ASIC4: variants seen among roughly 807,000 people sequenced by gnomAD.
ASIC4 encodes acid-sensing ion channel 4.
Under a neutral mutation model 53.4 loss-of-function variants are expected in ASIC4, and 28 were observed. That is an observed-to-expected ratio of 0.52 (90% CI 0.39 to 0.72). The LOEUF (loss-of-function observed/expected upper bound fraction) is 0.72. Ranked by LOEUF, ASIC4 falls within the 30% of genes least tolerant of loss-of-function variation. The pLI is 0.00. For synonymous variants in ASIC4, 289 were observed against 301.4 expected (o/e 0.96, Z 0.43); for missense variants, 649 against 729.7 (o/e 0.89, Z 1.27).
At chr2:219,510,125 CT>C (rs1694682344), upstream of ASIC4, among the ~76,000 whole-genome samples, 1 of 152,058 alleles carries the variant, frequency 6.6e-6, no homozygotes, top group Non-Finnish European at 1.5e-5. This position sits in a 1 kb window ranked among gnomAD's most constrained non-coding sequence, Gnocchi z 5.2. Context: ...ACCCTGCCGT[CT>C]TCACAGCCCT....
chr2:219,538,090 C>T lies in ASIC4; in HGVS notation c.*44C>T, dbSNP rs1411068736. On this transcript the variant is annotated 3_prime_UTR_variant, in exon 10 of 10. Coordinates refer to ENST00000358078, the MANE Select transcript of ASIC4 (RefSeq NM_018674.6). ...AGGACCCAGGAGTCTGGGACCCCTCCTGGGATCCCCAGCACATTCTCCTGC... is the reference window on the plus strand; with the variant it reads ...AGGACCCAGGAGTCTGGGACCCCTCTTGGGATCCCCAGCACATTCTCCTGC... 1.3e-6 allele frequency: 2 copies of T among 1,482,372 alleles called. No individual in the cohort carries two copies. The highest frequency in any genetic ancestry group is 1.4e-5 in the African/African-American group (1 of 72,528). 91.8% of individuals were successfully genotyped at this position (1,482,372 alleles called of 1,614,324 possible). A position where few individuals can be genotyped will look rare whatever the true frequency, so the allele number is the denominator to read the frequency against.
At chr2:219,513,863 A>G (rs1694733470), upstream of ASIC4, among the ~76,000 whole-genome samples, 1 of 152,228 alleles carries the variant, frequency 6.6e-6, no homozygotes, top group Admixed American at 6.5e-5. Context: ...GCAAAGCTCC[A>G]GGGAAGCTGA....
rs774929852 is a variant in ASIC4 at position 219,537,635 on chromosome 2, T to C, written c.1405T>C (p.Ser469Pro). 3.1e-6 allele frequency: 5 copies of C among 1,612,200 alleles called. No individual in the cohort carries two copies. The highest frequency in any genetic ancestry group is 2.2e-5 in the East Asian group (1 of 44,882). ...GTCCCCGACCCTGAACCCCAAGGTG[T>C]CCTGGGATCGACTGAAGCGGGTATG... The part of the protein sequence containing the change: ...LEILDYIYEV[S>P]WDRLKRVWRR... The change falls in exon 9 of 10, where the codon TCC becomes CCC. Residue 469 changes from serine to proline, a missense_variant. Ser to Pro is a moderately conservative substitution (Grantham distance 74, BLOSUM62 -1). Transcript: ENST00000358078. The surrounding 1 kb of genome is among the most constrained non-coding windows in gnomAD (Gnocchi z 4.9).
rs765717294 is a variant in ASIC4, at chr2:219,532,486, C to A, written c.1018+9C>A. ...GATGGTGCACATGCCAGGTGGGCACCCCACCCCCAGCCAGCCCTCCATGCC... is the reference window on the plus strand; with the variant it reads ...GATGGTGCACATGCCAGGTGGGCACACCACCCCCAGCCAGCCCTCCATGCC... On this transcript the variant is annotated intron_variant, in intron 4 of 9. Coordinates refer to ENST00000358078, the MANE Select transcript of ASIC4 (RefSeq NM_018674.6). 7 of 1,603,158 alleles carry A rather than the reference C, an allele frequency of 4.4e-6. No homozygotes were observed. The Admixed American group carries it at 5.0e-5, about 11-fold the overall frequency.
chr2:219,537,191 G>T lies in ASIC4; in HGVS notation c.1321+34G>T. On this transcript the variant is annotated intron_variant, in intron 7 of 9. Transcript: ENST00000358078. The surrounding 1 kb of genome is among the most constrained non-coding windows in gnomAD (Gnocchi z 4.9). ...GGTGTCCCTGCCCCCAGCTTGTGTG[G>T]GGGTGGATCGGCCCGGCCGCTCCCT... The T allele has an allele frequency of 1.9e-6, 3 of 1,612,462 alleles. No homozygotes were observed. The highest frequency in any genetic ancestry group is 1.1e-5 in the South Asian group (1 of 91,026).
chr2:219,508,046 G>C, the ASIC4 span, among the ~76,000 whole-genome samples: 4 of 152,194 alleles, frequency 2.6e-5, no homozygotes, highest in Non-Finnish European at 4.4e-5. Context: ...CACAGTGTGG[G>C]GTTTAGCAGT....
chr2:219,533,007 ACTGT>A, intron 5 of ASIC4, 68 bp downstream of exon 5: 1 of 1,494,540 alleles, frequency 6.7e-7, no homozygotes, highest in Non-Finnish European at 9.3e-7. Flanking sequence ...TCTTCTCCTC[ACTGT>A]CTTGGATCCT....
rs768160285 is a variant in ASIC4 at position 219,514,772 on chromosome 2, G to A, written c.48G>A (p.Ala16=). 18 of 1,613,438 alleles carry A rather than the reference G, an allele frequency of 1.1e-5. No homozygotes were observed. Among genetic ancestry groups the A allele is most frequent in the African/African-American group, 4.0e-5 (3 of 74,926 alleles). ...AAATCAAATTTGCTGAGGAGGATGCGAAACCCAAGGAGAAGGAGGCAGGGG... is the reference window on the plus strand; with the variant it reads ...AAATCAAATTTGCTGAGGAGGATGCAAAACCCAAGGAGAAGGAGGCAGGGG... ...VCKIKFAEED[A]KPKEKEAGDE... The change falls in exon 1 of 10, where the codon GCG becomes GCA. Residue 16 remains alanine (A), a synonymous_variant. Transcript: ENST00000358078.
intron 3 of ASIC4, 61 bp from the exon 4 acceptor site, chr2:219,532,254 T>C: frequency 6.3e-7 from 1 of 1,597,910 alleles, no homozygotes; most frequent in South Asian, 1.1e-5. Flanking sequence ...GCTGGGGCTG[T>C]GGGCACTGGA....
intron 1 of ASIC4, among the ~76,000 whole-genome samples, chr2:219,524,406 C>T (rs1179091324): frequency 2.0e-5 from 3 of 152,222 alleles, no homozygotes; most frequent in Non-Finnish European, 4.4e-5. Flanking sequence ...TGTCAGCTTC[C>T]TTATCCTCTC....
At chr2:219,519,069 T>A (rs1694846572) in intron 1 of ASIC4, among the ~76,000 whole-genome samples, 1 of 152,200 alleles carries the variant, frequency 6.6e-6, no homozygotes. Flanking sequence ...CTCGCCCGGC[T>A]AATTTTTTGT....
At position 219,514,852 on chromosome 2, in the gene ASIC4, C is replaced by A; in HGVS notation, c.128C>A (p.Ala43Asp). The change falls in exon 1 of 10, where the codon GCC becomes GAC. Residue 43 changes from alanine (A) to aspartate (D), a missense_variant. Transcript: ENST00000358078. ...CCTGGAGCAGCCCCCCGAGACCTGG[C>A]CACCTTTGCCAGCACCAGCACCCTG... ...VAPGAAPRDL[A>D]TFASTSTLHG... 1.9e-6 allele frequency: 3 copies of A among 1,613,010 alleles called. No individual in the cohort carries two copies. Among genetic ancestry groups the A allele is most frequent in the Non-Finnish European group, 2.5e-6 (3 of 1,179,900 alleles).
At chr2:219,531,541 G>A (rs1356854118) in intron 1 of ASIC4, among the ~76,000 whole-genome samples, 1 of 152,202 alleles carries the variant, frequency 6.6e-6, no homozygotes, top group Non-Finnish European at 1.5e-5. Context: ...AGGTGTTGAT[G>A]TGCTGTTGGG....
chr2:219,525,917 G>A (rs1273233477), intron 1 of ASIC4, among the ~76,000 whole-genome samples: 2 of 152,240 alleles, frequency 1.3e-5, no homozygotes, highest in Admixed American at 1.3e-4. Flanking sequence ...AAGAATGTCA[G>A]GGGAAGTGCC....
At chr2:219,528,044 C>T (rs1439877848) in intron 1 of ASIC4, among the ~76,000 whole-genome samples, 1 of 152,278 alleles carries the variant, frequency 6.6e-6, no homozygotes, top group South Asian at 2.1e-4. Context: ...TACCCCACGT[C>T]GCCCATGCCT....
chr2:219,537,172 C>T lies in ASIC4; in HGVS notation c.1321+15C>T. On this transcript the variant is annotated intron_variant, in intron 7 of 9. Coordinates refer to ENST00000358078, the MANE Select transcript of ASIC4 (RefSeq NM_018674.6). This position sits in a 1 kb window ranked among gnomAD's most constrained non-coding sequence, Gnocchi z 4.9. ...AGCCCTGCTGGGTGAGACTGGTGTC[C>T]CTGCCCCCAGCTTGTGTGGGGGTGG... is the stretch of plus-strand genomic sequence containing the variant. The T allele has an allele frequency of 6.2e-7, 1 of 1,613,186 alleles. No individual in the cohort carries two copies.
intron 1 of ASIC4, among the ~76,000 whole-genome samples, chr2:219,524,777 G>T (rs1209010225): frequency 6.6e-6 from 1 of 152,216 alleles, no homozygotes; most frequent in Non-Finnish European, 1.5e-5. Context: ...GTTTCGCTGT[G>T]ACAGAGCTCC....
In ASIC4 at chr2:219,517,513, C is replaced by T. The variant is rs531600773; in HGVS notation, c.582+2207C>T. On this transcript the variant is annotated intron_variant, in intron 1 of 9. Coordinates refer to ENST00000358078, the MANE Select transcript of ASIC4 (RefSeq NM_018674.6). The surrounding 1 kb of genome is among the most constrained non-coding windows in gnomAD (Gnocchi z 4.2). Reference sequence around the variant, plus strand: ...ACTCTTCTGCACATACTGCATCCCCCGTCTGCTGAGTGTAACTCTGTCTTG... The same window carrying T: ...ACTCTTCTGCACATACTGCATCCCCTGTCTGCTGAGTGTAACTCTGTCTTG... Among the ~76,000 whole-genome samples, 1 of 152,292 alleles carries T rather than the reference C, an allele frequency of 6.6e-6. No homozygotes were observed. Among genetic ancestry groups the T allele is most frequent in the East Asian group, 1.9e-4 (1 of 5,186 alleles).
chr2:219,509,782 C>CACAG (rs1157057392), upstream of ASIC4, among the ~76,000 whole-genome samples: 4 of 152,078 alleles, frequency 2.6e-5, no homozygotes. This position sits in a 1 kb window ranked among gnomAD's most constrained non-coding sequence, Gnocchi z 5.2. Context: ...TGATCTTTGC[C>CACAG]ACAGCCTGGG....
Sources: gnomAD v4.1 joint callset for allele counts (sites outside exome capture counted in the v4.1 genomes callset) on GRCh38, gnomAD v4.1.1 for gene constraint, Gnocchi (gnomAD v3.1) non-coding constraint, MANE v1.5 for transcripts, NCBI Gene and HGNC (gene_info 2026-07-23, HGNC 2026-07-21) for gene names.